SAE1: variants seen among roughly 807,000 people sequenced by gnomAD.
SAE1 encodes SUMO1 activating enzyme subunit 1, also known as SUMO-activating enzyme subunit 1.
In SAE1, 11 loss-of-function variants were observed where a neutral mutation model predicts 40.6. That is an observed-to-expected ratio of 0.27 (90% CI 0.17 to 0.45). The LOEUF (loss-of-function observed/expected upper bound fraction) is 0.45, where lower values mean the gene tolerates loss of function less well. SAE1 is among the 20% of genes least tolerant of loss of function. SAE1 has a pLI of 1.00. For synonymous variants in SAE1, 155 were observed against 154.3 expected (o/e 1.00, Z -0.03); for missense variants, 373 against 427.3 (o/e 0.87, Z 1.12).
chr19:47,190,748 C>G (rs915886606), intron 6 of SAE1, among the ~76,000 whole-genome samples: 3 of 152,218 alleles, frequency 2.0e-5, no homozygotes, highest in African/African-American at 7.2e-5. Flanking sequence ...TGTCCTATTT[C>G]TTCCTAAGAG....
At chr19:47,161,804 C>T (rs2058361205) in intron 5 of SAE1, among the ~76,000 whole-genome samples, 1 of 152,118 alleles carries the variant, frequency 6.6e-6, no homozygotes, top group African/African-American at 2.4e-5. Context: ...TATGTATTTC[C>T]AAGCAACACA....
At chr19:47,176,197 C>G (rs2058467669) in intron 6 of SAE1, among the ~76,000 whole-genome samples, 6 of 152,148 alleles carry the variant, frequency 3.9e-5, no homozygotes, top group Admixed American at 3.9e-4. Flanking sequence ...AAAGTGGCCT[C>G]TTTTGCTTTC....
intron 7 of SAE1, among the ~76,000 whole-genome samples, chr19:47,197,994 A>G (rs1023293261): frequency 2.0e-5 from 3 of 152,168 alleles, no homozygotes; most frequent in Non-Finnish European, 4.4e-5. Context: ...TGTTCCCAGC[A>G]TCCTCTCACT....
chr19:47,137,642 G>A (rs1568584108), intron 1 of SAE1, among the ~76,000 whole-genome samples: 1 of 151,616 alleles, frequency 6.6e-6, no homozygotes, highest in Non-Finnish European at 1.5e-5. Flanking sequence ...GACCACAGGC[G>A]TATGCCATAT....
intron 6 of SAE1, among the ~76,000 whole-genome samples, chr19:47,189,907 G>A (rs933125115): frequency 2.6e-5 from 4 of 152,194 alleles, no homozygotes; most frequent in Admixed American, 6.5e-5. Context: ...CCAGATTCCC[G>A]TTATAGCGCT....
At chr19:47,140,351 C>G (rs1339122661) in intron 1 of SAE1, among the ~76,000 whole-genome samples, 3 of 151,964 alleles carry the variant, frequency 2.0e-5, no homozygotes, top group African/African-American at 7.3e-5. Flanking sequence ...CGTGATCTGC[C>G]TGTCTCGGCC....
At position 47,169,805 on chromosome 19, in the gene SAE1, CT is replaced by C; in HGVS notation, c.628-7del. The C allele has an allele frequency of 2.5e-6, 4 of 1,596,700 alleles. No homozygotes were observed. The highest frequency in any genetic ancestry group is 3.4e-6 in the Non-Finnish European group (4 of 1,164,438). On this transcript the variant is annotated splice_polypyrimidine_tract_variant and intron_variant, in intron 5 of 8. Coordinates refer to ENST00000270225, the MANE Select transcript of SAE1 (RefSeq NM_005500.3). The stretch of plus-strand genomic sequence containing the variant: ...ATATGTTATTCCTAAGCAGTTCTGC[CT>C]TTTTTCCACAGAAGGTGGTCTTCTG...
chr19:47,153,488 T>A (rs1349795188), intron 4 of SAE1, among the ~76,000 whole-genome samples: 1 of 152,192 alleles, frequency 6.6e-6, no homozygotes, highest in African/African-American at 2.4e-5. Flanking sequence ...TGGCAGATGA[T>A]ACATTATTGT....
At chr19:47,186,945 G>A (rs1040532977) in intron 6 of SAE1, among the ~76,000 whole-genome samples, 1 of 152,166 alleles carries the variant, frequency 6.6e-6, no homozygotes, top group Non-Finnish European at 1.5e-5. Context: ...TGTGAGCTCC[G>A]CGTGTGAGGG....
At chr19:47,159,343 A>G (rs2058343732) in intron 5 of SAE1, among the ~76,000 whole-genome samples, 1 of 152,026 alleles carries the variant, frequency 6.6e-6, no homozygotes, top group Admixed American at 6.6e-5. Context: ...TTCATGTGGT[A>G]CCTTGGTTTC....
At chr19:47,141,034 C>T (rs2058218550) in intron 1 of SAE1, among the ~76,000 whole-genome samples, 1 of 151,320 alleles carries the variant, frequency 6.6e-6, no homozygotes, top group Non-Finnish European at 1.5e-5. Context: ...TTTTTTTAAA[C>T]AGAGTCTCGC....
At chr19:47,143,667 C>T in intron 2 of SAE1, 62 bp downstream of exon 2, 1 of 1,283,374 alleles carries the variant, frequency 7.8e-7, no homozygotes, top group Non-Finnish European at 1.1e-6. Context: ...TGAAGATCTG[C>T]AGATTTTGTG....
intron 8 of SAE1, among the ~76,000 whole-genome samples, chr19:47,205,365 G>A (rs1475985165): frequency 1.4e-5 from 2 of 146,736 alleles, no homozygotes; most frequent in African/African-American, 5.1e-5. Context: ...CTTCTCTCTG[G>A]TCTAAATTCT....
intron 8 of SAE1, among the ~76,000 whole-genome samples, chr19:47,207,285 G>C (rs962560019): frequency 2.0e-5 from 3 of 152,146 alleles, no homozygotes; most frequent in African/African-American, 7.2e-5. Flanking sequence ...AAAAATGGCT[G>C]ACTAACACTA....
At chr19:47,133,683 T>G (rs1334655186) in intron 1 of SAE1, among the ~76,000 whole-genome samples, 30 of 152,082 alleles carry the variant, frequency 2.0e-4, no homozygotes, top group Admixed American at 2.0e-3. Flanking sequence ...TCTGGATATA[T>G]TTTGAAGGTA....
At chr19:47,134,170 T>G (rs904344183) in intron 1 of SAE1, among the ~76,000 whole-genome samples, 3 of 152,054 alleles carry the variant, frequency 2.0e-5, no homozygotes, top group Non-Finnish European at 4.4e-5. Flanking sequence ...CTCAGATTTG[T>G]TTTTTTATAC....
intron 3 of SAE1, among the ~76,000 whole-genome samples, chr19:47,151,805 A>G (rs913019112): frequency 6.6e-6 from 1 of 152,158 alleles, no homozygotes; most frequent in African/African-American, 2.4e-5. Flanking sequence ...TTGAACTTGT[A>G]GAGTTAGAGG....
At chr19:47,182,695 C>T (rs2058517881) in intron 6 of SAE1, among the ~76,000 whole-genome samples, 1 of 152,094 alleles carries the variant, frequency 6.6e-6, no homozygotes, top group Non-Finnish European at 1.5e-5. Context: ...ACCGACTCTG[C>T]TCCTCGGTCT....
chr19:47,178,138 G>T (rs568612577), intron 6 of SAE1, among the ~76,000 whole-genome samples: 1 of 152,024 alleles, frequency 6.6e-6, no homozygotes, highest in African/African-American at 2.4e-5. Context: ...CTACTCGGGA[G>T]GGGGAGGCAG....
Sources: gnomAD v4.1 joint callset for allele counts (sites outside exome capture counted in the v4.1 genomes callset) on GRCh38, gnomAD v4.1.1 for gene constraint, MANE v1.5 for transcripts, NCBI Gene and HGNC (gene_info 2026-07-23, HGNC 2026-07-21) for gene names.